The following C16orf96 variants were observed in gnomAD, a reference collection of about 807,000 sequenced individuals.
C16orf96 encodes the protein chromosome 16 open reading frame 96.
Under a neutral mutation model 103.6 loss-of-function variants are expected in C16orf96, and 108 were observed. The ratio of observed to expected loss-of-function variants is 1.04; its 90% confidence interval spans 0.89 to 1.22. The LOEUF is 1.22. C16orf96 is among the 50% of genes most tolerant of loss of function. C16orf96 has a pLI of 0.00. For synonymous variants in C16orf96, 566 were observed against 593.5 expected (o/e 0.95, Z 0.67); for missense variants, 1,586 against 1,464.2 (o/e 1.08, Z -1.36).
At chr16:4,551,210 G>T in the C16orf96 span, among the ~76,000 whole-genome samples, 2 of 152,312 alleles carry the variant, frequency 1.3e-5, no homozygotes, top group African/African-American at 4.8e-5. Context: ...GTTTGAGGCT[G>T]CGTGAGCTGC....
rs2059262752 is a variant in C16orf96, at chr16:4,556,446, T to C, written c.-44T>C. Reference sequence around the variant, plus strand: ...ACCACTGAAAGCTACCCCTTGTCCTTGAGGACACCTGGAACCCCAGCCCCA... The same window carrying C: ...ACCACTGAAAGCTACCCCTTGTCCTCGAGGACACCTGGAACCCCAGCCCCA... On this transcript the variant is annotated 5_prime_UTR_variant, in exon 1 of 16. Coordinates refer to ENST00000444310, the MANE Select transcript of C16orf96 (RefSeq NM_001145011.2). 9 of 1,479,966 alleles carry C rather than the reference T, an allele frequency of 6.1e-6. No individual in the cohort carries two copies. Among genetic ancestry groups the C allele is most frequent in the Non-Finnish European group, 8.1e-6 (9 of 1,107,846 alleles). The allele number at this position is 1,479,966 out of a possible 1,614,324, so 91.7% of individuals were successfully genotyped here. A position where few individuals can be genotyped will look rare whatever the true frequency, so the allele number is the denominator to read the frequency against.
intron 14 of C16orf96, among the ~76,000 whole-genome samples, chr16:4,598,937 G>C (rs1044446394): frequency 2.0e-5 from 3 of 151,876 alleles, no homozygotes; most frequent in African/African-American, 7.3e-5. Context: ...GAGCAACATA[G>C]CGAGACCTCC....
rs2059500578 is a variant in C16orf96 at position 4,575,928 on chromosome 16, C to T, written c.1448C>T (p.Thr483Ile). The T allele has an allele frequency of 6.4e-7, 1 of 1,550,728 alleles. No homozygotes were observed. Among genetic ancestry groups the T allele is most frequent in the East Asian group, 2.4e-5 (1 of 40,858 alleles). Reference sequence around the variant, plus strand: ...AAGGATGGGGCCCCCAAGGATAGAACTCGCAAGGATGGGGTCCCCAAAGAT... The same window carrying T: ...AAGGATGGGGCCCCCAAGGATAGAATTCGCAAGGATGGGGTCCCCAAAGAT... ...ARKDGAPKDR[T>I]RKDGVPKDRG... Residue 483 changes from threonine to isoleucine, a missense_variant, in exon 5 of 16, where the codon ACT (threonine) becomes ATT (isoleucine). Coordinates refer to ENST00000444310, the MANE Select transcript of C16orf96 (RefSeq NM_001145011.2).
At chr16:4,554,290 G>A (rs549703850), upstream of C16orf96, among the ~76,000 whole-genome samples, 12 of 152,306 alleles carry the variant, frequency 7.9e-5, no homozygotes, top group African/African-American at 2.9e-4. Flanking sequence ...TGAGGGCACC[G>A]TCACTTGGGT....
the C16orf96 span, chr16:4,538,723 G>A: frequency 6.6e-6 from 1 of 152,280 alleles, no homozygotes; most frequent in African/African-American, 2.4e-5. Flanking sequence ...CCCTGGGGCA[G>A]CGGCCGCAAC....
At position 4,576,202 on chromosome 16, in the gene C16orf96, C is replaced by T. The variant is rs566191131; in HGVS notation, c.1722C>T (p.Ala574=). The change falls in exon 5 of 16, where the codon GCC becomes GCT. Residue 574 remains alanine, a synonymous_variant. Coordinates refer to ENST00000444310, the MANE Select transcript of C16orf96 (RefSeq NM_001145011.2). ...LKTTAAIAAA[A]AAAYAAATSS... Reference sequence around the variant, plus strand: ...CCACCGCTGCCATCGCCGCCGCTGCCGCCGCAGCCTACGCCGCTGCCACAT... The same window carrying T: ...CCACCGCTGCCATCGCCGCCGCTGCTGCCGCAGCCTACGCCGCTGCCACAT... 4.2e-5 allele frequency: 65 copies of T among 1,550,646 alleles called. No individual in the cohort carries two copies. Among genetic ancestry groups the T allele is most frequent in the Middle Eastern group, 1.7e-4 (1 of 5,990 alleles).
chr16:4,543,182 T>G, the C16orf96 span, among the ~76,000 whole-genome samples: 1 of 152,132 alleles, frequency 6.6e-6, no homozygotes, highest in East Asian at 1.9e-4. Context: ...GACGTTTAAG[T>G]TGGGGCTTGA....
At chr16:4,554,656 T>C (rs1486505792), upstream of C16orf96, among the ~76,000 whole-genome samples, 1 of 144,698 alleles carries the variant, frequency 6.9e-6, no homozygotes, top group Non-Finnish European at 1.5e-5. Context: ...ACCCAGCCTA[T>C]CGCCCTTCTT....
chr16:4,544,718 C>G, the C16orf96 span, among the ~76,000 whole-genome samples: 1 of 152,158 alleles, frequency 6.6e-6, no homozygotes, highest in Non-Finnish European at 1.5e-5. Flanking sequence ...GGTCACTGCT[C>G]ATAGTGCCTG....
rs944130015 is a variant in C16orf96, at chr16:4,589,851, C to T, written c.2592+1520C>T. ...AAAAAAATACTCCATCGGCTAGGCA[C>T]GGTGGCTCACGCCTGTAATCCCAGC... On this transcript the variant is annotated intron_variant, in intron 9 of 15. Transcript: ENST00000444310. Among the ~76,000 whole-genome samples, 8 of 151,868 alleles carry T rather than the reference C, an allele frequency of 5.3e-5. No homozygotes were observed. The South Asian group carries it at 1.0e-3, about 20-fold the overall frequency.
chr16:4,585,225 G>A (rs1436752578), intron 7 of C16orf96, among the ~76,000 whole-genome samples: 1 of 149,654 alleles, frequency 6.7e-6, no homozygotes, highest in African/African-American at 2.5e-5. Context: ...GGCTGATGGG[G>A]GAGGATCCTT....
intron 14 of C16orf96, among the ~76,000 whole-genome samples, chr16:4,595,795 C>T (rs1897159108): frequency 6.6e-6 from 1 of 152,070 alleles, no homozygotes; most frequent in Non-Finnish European, 1.5e-5. Flanking sequence ...CAACCTCCAA[C>T]TCCCGGGTTC....
At position 4,571,612 on chromosome 16, in the gene C16orf96, A is replaced by T; in HGVS notation, c.472A>T (p.Thr158Ser). 1.3e-6 allele frequency: 2 copies of T among 1,552,316 alleles called. No homozygotes were observed. Among genetic ancestry groups the T allele is most frequent in the Non-Finnish European group, 1.7e-6 (2 of 1,147,090 alleles). Reference protein sequence around the residue: ...LLTDLHALQVTITALRKEVDM... With the variant: ...LLTDLHALQVSITALRKEVDM... ...CACTGATCTTCATGCACTCCAGGTC[A>T]CCATCACAGCCCTCAGAAAAGAAGT... Residue 158 changes from threonine to serine, a missense_variant, in exon 2 of 16, where the codon ACC becomes TCC. Physicochemically the swap from Thr to Ser is moderately conservative, Grantham distance 58 (BLOSUM62 1). Transcript: ENST00000444310.
At chr16:4,591,811 G>A (rs1047063545) in intron 10 of C16orf96, 27 bp downstream of exon 10, 38 of 1,442,132 alleles carry the variant, frequency 2.6e-5, no homozygotes, top group Non-Finnish European at 3.4e-5. Flanking sequence ...GCCCCTCCTG[G>A]TAGGGGTCCT....
chr16:4,564,117 C>T (rs1198352408), intron 1 of C16orf96, among the ~76,000 whole-genome samples: 3 of 151,746 alleles, frequency 2.0e-5, no homozygotes, highest in Non-Finnish European at 4.4e-5. Flanking sequence ...TGCAGTGAGC[C>T]GAGATTGCGC....
At chr16:4,546,394 G>A in the C16orf96 span, among the ~76,000 whole-genome samples, 3 of 151,062 alleles carry the variant, frequency 2.0e-5, no homozygotes, top group South Asian at 2.1e-4. Flanking sequence ...TCCTGACCTC[G>A]TGATCTGCCT....
At chr16:4,543,057 G>A in the C16orf96 span, among the ~76,000 whole-genome samples, 9 of 152,274 alleles carry the variant, frequency 5.9e-5, 1 homozygote, top group South Asian at 1.2e-3. Context: ...TCCTCAAAGC[G>A]CACACAGTCC....
rs1052131096 is a variant in C16orf96, at chr16:4,588,392, C to T, written c.2592+61C>T. On this transcript the variant is annotated intron_variant, in intron 9 of 15. Coordinates refer to ENST00000444310, the MANE Select transcript of C16orf96 (RefSeq NM_001145011.2). ...AACAAATTAACCCAGAACTTAGCAA[C>T]TGCAAACAACAAACGTTTTCAGTTT... 7 of 1,494,336 alleles carry T rather than the reference C, an allele frequency of 4.7e-6. No homozygotes were observed. The African/African-American group carries it at 8.4e-5, about 18-fold the overall frequency. 92.6% of individuals were successfully genotyped at this position (1,494,336 alleles called of 1,614,324 possible).
rs2059510510 is a variant in C16orf96, at chr16:4,576,419, A to G, written c.1939A>G (p.Ile647Val). The G allele has an allele frequency of 1.9e-6, 3 of 1,550,962 alleles. No individual in the cohort carries two copies. The African/African-American group carries it at 4.1e-5, about 21-fold the overall frequency. ...ILGDDSEIYEILSPSYSAASI... is the reference protein window; with the variant it reads ...ILGDDSEIYEVLSPSYSAASI... ...GGGCGATGATTCCGAAATCTACGAA[A>G]TCCTCTCTCCCTCCTACTCTGCTGC... The change falls in exon 5 of 16, where the codon ATC becomes GTC. Residue 647 changes from isoleucine (I) to valine (V), a missense_variant. Physicochemically the swap from Ile to Val is conservative, Grantham distance 29 (BLOSUM62 3). Transcript: ENST00000444310.
Sources: allele counts gnomAD v4.1 joint callset (sites outside exome capture counted in the v4.1 genomes callset), GRCh38; gene constraint gnomAD v4.1.1; transcripts MANE v1.5; gene names NCBI Gene and HGNC (gene_info 2026-07-23, HGNC 2026-07-21).